SH2B1: variants seen among roughly 807,000 people sequenced by gnomAD.
The protein encoded by SH2B1 is SH2B adapter protein 1.
In SH2B1, 15 loss-of-function variants were observed where a neutral mutation model predicts 62.6. The ratio of observed to expected loss-of-function variants is 0.24; its 90% CI spans 0.16 to 0.37. SH2B1 has a LOEUF of 0.37. Among genes scored for constraint, SH2B1 ranks in the 10% least tolerant of loss-of-function variants. SH2B1 has a pLI of 1.00. For missense variants in SH2B1, 925 were observed against 1,015.6 expected, an observed-to-expected ratio of 0.91 and a Z score of 1.21; for synonymous variants, 443 against 438.0, an observed-to-expected ratio of 1.01 and a Z score of -0.14.
chr16:28,852,352 TTA>T (rs1178648179), intron 1 of SH2B1, among the ~76,000 whole-genome samples: 1,030 of 65,752 alleles, frequency 0.016, 318 homozygotes, highest in African/African-American at 0.063. Context: ...ACATATATAT[TTA>T]TATATATATT....
At chr16:28,870,560 G>A (rs1333519662) in intron 4 of SH2B1, among the ~76,000 whole-genome samples, 1 of 152,156 alleles carries the variant, frequency 6.6e-6, no homozygotes, top group Admixed American at 6.5e-5. Flanking sequence ...TGTGGGTTGG[G>A]GGAGTAATAG....
chr16:28,866,501 C>T lies in SH2B1; in HGVS notation c.407C>T (p.Ser136Leu), dbSNP rs1480782565. 1 of 1,614,120 alleles carries T rather than the reference C, an allele frequency of 6.2e-7. No homozygotes were observed. Among genetic ancestry groups the T allele is most frequent in the South Asian group, 1.1e-5 (1 of 91,084 alleles). The change falls in exon 1 of 8, where the codon TCA becomes TTA. Residue 136 changes from serine (S) to leucine (L), a missense_variant. This residue lies in a region of SH2B1 where 683 missense variants were observed against 704.0 expected (regional missense o/e 0.97). Coordinates refer to ENST00000684370, the MANE Select transcript of SH2B1 (RefSeq NM_001387430.1). The surrounding 1 kb of genome is among the most constrained non-coding windows in gnomAD (Gnocchi z 6.3). ...GACCTGGCCGGCCCCCTCCCTTCCT[C>T]AGTCTCTTCCTCCTCTACAACCTCC... Reference protein sequence around the residue: ...SEDLAGPLPSSVSSSSTTSSK... With the variant: ...SEDLAGPLPSLVSSSSTTSSK...
rs1293000641 is a variant in SH2B1, at chr16:28,866,685, C to T, written c.591C>T (p.Asn197=). Residue 197 remains asparagine (N), a synonymous_variant, in exon 1 of 8, where the codon AAC becomes AAT. Transcript: ENST00000684370. This position sits in a 1 kb window ranked among gnomAD's most constrained non-coding sequence, Gnocchi z 6.3. ...TSSGPPVLGG[N]SNSNSSGGAG... Reference sequence around the variant, plus strand: ...CAGGCCCCCCAGTCTTAGGTGGAAACAGCAACTCCAACTCCTCTGGCGGGG... The same window carrying T: ...CAGGCCCCCCAGTCTTAGGTGGAAATAGCAACTCCAACTCCTCTGGCGGGG... The T allele has an allele frequency of 3.1e-6, 5 of 1,603,076 alleles. No individual in the cohort carries two copies. Among genetic ancestry groups the T allele is most frequent in the Non-Finnish European group, 4.3e-6 (5 of 1,174,078 alleles).
intron 1 of SH2B1, among the ~76,000 whole-genome samples, chr16:28,847,537 C>A (rs1962004050): frequency 1.3e-5 from 2 of 152,030 alleles, no homozygotes; most frequent in South Asian, 4.1e-4. Context: ...AGAGGCTGGG[C>A]ACGGTGGCTA....
Position 28,866,819 on chromosome 16 carries a change from A to T in SH2B1, c.725A>T (p.Asp242Val). ...RLSRGGGALK[D>V]GAGMVQREEL... The stretch of plus-strand genomic sequence containing the variant: ...AGTCGGGGAGGGGGCGCCTTGAAGG[A>T]TGGAGCAGGGATGGTGCAGAGGGAA... Residue 242 changes from aspartate to valine, a missense_variant, in exon 1 of 8, where the codon GAT becomes GTT. This residue lies in a region of SH2B1 where 683 missense variants were observed against 704.0 expected (regional missense o/e 0.97). Transcript: ENST00000684370. The surrounding 1 kb of genome is among the most constrained non-coding windows in gnomAD (Gnocchi z 6.3). 6.3e-7 allele frequency: 1 copy of T among 1,588,042 alleles called. No homozygotes were observed. Among genetic ancestry groups the T allele is most frequent in the East Asian group, 2.2e-5 (1 of 44,704 alleles).
At chr16:28,860,164 A>G (rs769850302), upstream of SH2B1, among the ~76,000 whole-genome samples, 28 of 151,476 alleles carry the variant, frequency 1.8e-4, no homozygotes, top group Non-Finnish European at 3.5e-4. Context: ...ACCTTCTCAC[A>G]CTTACAACCT....
At position 28,863,873 on chromosome 16, in the gene SH2B1, G is replaced by A; in HGVS notation, c.-2222G>A. The A allele has an allele frequency of 6.6e-7, 1 of 1,516,246 alleles. No homozygotes were observed. Among genetic ancestry groups the A allele is most frequent in the Non-Finnish European group, 8.8e-7 (1 of 1,138,384 alleles). 93.9% of individuals were successfully genotyped at this position (1,516,246 alleles called of 1,614,324 possible). A position where few individuals can be genotyped will look rare whatever the true frequency, so the allele number is the denominator to read the frequency against. ...GGGCTGGGCGCTCGTCGCGTAGTGGGTGGGGGCGCAGGGAGCGGGAGCCGC... is the reference window on the plus strand; with the variant it reads ...GGGCTGGGCGCTCGTCGCGTAGTGGATGGGGGCGCAGGGAGCGGGAGCCGC... On this transcript the variant is annotated 5_prime_UTR_variant, in exon 1 of 8. In the 5' UTR this introduces an upstream ATG that the reference lacks. Transcript: ENST00000684370.
intron 1 of SH2B1, among the ~76,000 whole-genome samples, chr16:28,858,031 G>T (rs144938020): frequency 2.6e-5 from 4 of 151,846 alleles, no homozygotes; most frequent in Non-Finnish European, 2.9e-5. Flanking sequence ...GAGCCACCGC[G>T]CCCGGCCAGA....
At chr16:28,862,023 A>G (rs1426850945), upstream of SH2B1, 2 of 152,176 alleles carry the variant, frequency 1.3e-5, no homozygotes, top group African/African-American at 2.4e-5. Flanking sequence ...CAGGTTCCTG[A>G]TATCTTCTGG....
chr16:28,863,858 C>G lies in SH2B1; in HGVS notation c.-2237C>G. On this transcript the variant is annotated 5_prime_UTR_variant, in exon 1 of 8. Coordinates refer to ENST00000684370, the MANE Select transcript of SH2B1 (RefSeq NM_001387430.1). ...CGCCTGCGCGGAACCGGGCTGGGCG[C>G]TCGTCGCGTAGTGGGTGGGGGCGCA... 5.9e-6 allele frequency: 9 copies of G among 1,526,100 alleles called. No individual in the cohort carries two copies. Among genetic ancestry groups the G allele is most frequent in the Non-Finnish European group, 7.0e-6 (8 of 1,142,120 alleles). 94.5% of individuals were successfully genotyped at this position (1,526,100 alleles called of 1,614,324 possible). A position where few individuals can be genotyped will look rare whatever the true frequency, so the allele number is the denominator to read the frequency against.
In SH2B1 at chr16:28,866,214, C is replaced by G; in HGVS notation, c.120C>G (p.Asp40Glu). The change falls in exon 1 of 8, where the codon GAC (aspartate) becomes GAG (glutamate). Residue 40 changes from aspartate to glutamate, a missense_variant. Physicochemically the swap from Asp to Glu is conservative, Grantham distance 45. Coordinates refer to ENST00000684370, the MANE Select transcript of SH2B1 (RefSeq NM_001387430.1). This position sits in a 1 kb window ranked among gnomAD's most constrained non-coding sequence, Gnocchi z 6.3. ...CESHARAAALDFARRFRLYLA... is the reference protein window; with the variant it reads ...CESHARAAALEFARRFRLYLA... ...CCCACGCCCGGGCTGCGGCTCTGGA[C>G]TTTGCCCGCCGTTTTCGCCTCTACC... 1 of 1,606,666 alleles carries G rather than the reference C, an allele frequency of 6.2e-7. No homozygotes were observed. Among genetic ancestry groups the G allele is most frequent in the South Asian group, 1.1e-5 (1 of 90,302 alleles).
chr16:28,873,219 C>T lies in SH2B1; in HGVS notation c.1898-228C>T. On this transcript the variant is annotated intron_variant, in intron 7 of 7. Transcript: ENST00000684370. The surrounding 1 kb of genome is among the most constrained non-coding windows in gnomAD (Gnocchi z 4.2). ...CGGGGGTGTGCGAGGGAGATGGATG[C>T]CACCCCGATGCCTCCTGCACCCTCA... 5 of 1,603,450 alleles carry T rather than the reference C, an allele frequency of 3.1e-6. No homozygotes were observed. Among genetic ancestry groups the T allele is most frequent in the Non-Finnish European group, 1.7e-6 (2 of 1,177,574 alleles).
In SH2B1 at chr16:28,854,123, C is replaced by A. The variant is rs868814329; in HGVS notation, c.-301+7296C>A. The stretch of plus-strand genomic sequence containing the variant: ...CCTGGGCAATGTAGTGAGACTCCAT[C>A]TCTACAAAAAATTTGAAAAATTAGC... On this transcript the variant is annotated intron_variant, in intron 1 of 10. Coordinates refer to the SH2B1 transcript ENST00000322610. Among the ~76,000 whole-genome samples, 3 of 150,886 alleles carry A rather than the reference C, an allele frequency of 2.0e-5. No homozygotes were observed. The Admixed American group carries it at 2.0e-4, about 10-fold the overall frequency.
upstream of SH2B1, among the ~76,000 whole-genome samples, chr16:28,860,976 G>A (rs895913200): frequency 6.6e-6 from 1 of 151,066 alleles, no homozygotes; most frequent in Admixed American, 6.6e-5. Flanking sequence ...GCCACCACAC[G>A]TGGCTAATTT....
chr16:28,860,794 CA>C (rs1224141074), upstream of SH2B1, among the ~76,000 whole-genome samples: 3 of 142,666 alleles, frequency 2.1e-5, no homozygotes, highest in East Asian at 4.1e-4. Flanking sequence ...ATTTCTGTTC[CA>C]ACAGTTAGGA....
At chr16:28,860,686 C>T (rs186720874), upstream of SH2B1, among the ~76,000 whole-genome samples, 53 of 152,328 alleles carry the variant, frequency 3.5e-4, no homozygotes, top group Middle Eastern at 3.4e-3. Context: ...TGATCCCCCA[C>T]GGATCCCTTT....
In SH2B1 at chr16:28,852,734, A is replaced by G. The variant is rs950656571; in HGVS notation, c.-301+5907A>G. Among the ~76,000 whole-genome samples the G allele has an allele frequency of 5.8e-4, 34 of 58,486 alleles. 7 individuals are homozygous for G. Among genetic ancestry groups the G allele is most frequent in the African/African-American group, 2.8e-3 (31 of 11,136 alleles). The allele number at this position is 58,486 out of a possible 152,430, so 38.4% of individuals were successfully genotyped here. Reference sequence around the variant, plus strand: ...TATTTACATATATATTTATATATATACATATATATATTTACATATATATGT... The same window carrying G: ...TATTTACATATATATTTATATATATGCATATATATATTTACATATATATGT... On this transcript the variant is annotated intron_variant, in intron 1 of 10. Coordinates refer to the SH2B1 transcript ENST00000322610.
rs557776551 is a variant in SH2B1 at position 28,869,378 on chromosome 16, C to T, written c.1304C>T (p.Ser435Leu). ...LGPSESNDRL[S>L]QGAYGGLSDR... ...CCCAGCGAGAGCAATGACCGCCTGT[C>T]GCAGGGTAAGGGTGGAGCCTTAGAG... The change falls in exon 4 of 8, where the codon TCG (serine) becomes TTG (leucine). Residue 435 changes from serine (S) to leucine (L), a missense_variant. Physicochemically the swap from Ser to Leu is moderately radical, Grantham distance 145 (BLOSUM62 -2). Around this residue, in one of 3 missense-constraint regions of SH2B1, gnomAD observed 683 missense variants for 704.0 expected, o/e 0.97. Transcript: ENST00000684370. 13 of 1,613,456 alleles carry T rather than the reference C, an allele frequency of 8.1e-6. No individual in the cohort carries two copies. Among genetic ancestry groups the T allele is most frequent in the South Asian group, 6.6e-5 (6 of 91,050 alleles).
At chr16:28,855,710 G>A (rs924738190) in intron 1 of SH2B1, among the ~76,000 whole-genome samples, 6 of 149,852 alleles carry the variant, frequency 4.0e-5, no homozygotes, top group African/African-American at 1.2e-4. Flanking sequence ...AGCGATCTCC[G>A]CTCACTGCAA....
Sources: gnomAD v4.1 joint callset for allele counts (sites outside exome capture counted in the v4.1 genomes callset) on GRCh38, gnomAD v4.1.1 for gene constraint, gnomAD v4.1.1 regional missense constraint, Gnocchi (gnomAD v3.1) non-coding constraint, MANE v1.5 for transcripts, NCBI Gene and HGNC (gene_info 2026-07-23, HGNC 2026-07-21) for gene names.